Variants in UBE4B observed in about 807,000 individuals in gnomAD.
The protein encoded by UBE4B is ubiquitin conjugation factor E4 B.
In UBE4B, 27 loss-of-function variants were observed where a neutral mutation model predicts 148.1. The observed-to-expected ratio is 0.18, with a 90% CI of 0.13 to 0.25. UBE4B has a LOEUF of 0.25. Ranked by LOEUF, UBE4B falls within the 10% of genes least tolerant of loss-of-function variation. The pLI is 1.00. For synonymous variants in UBE4B, 596 were observed against 619.3 expected, an observed-to-expected ratio of 0.96 and a Z score of 0.56; for missense variants, 1,170 against 1,662.4, an observed-to-expected ratio of 0.70 and a Z score of 5.15.
intron 3 of UBE4B, among the ~76,000 whole-genome samples, chr1:10,097,052 A>AAAATAATAAT (rs554089049): frequency 6.6e-4 from 92 of 138,530 alleles, no homozygotes; most frequent in African/African-American, 2.3e-3. Flanking sequence ...AAAAAAAAAA[A>AAAATAATAAT]AATAATAATA....
At chr1:10,063,961 A>C (rs140906123) in intron 1 of UBE4B, among the ~76,000 whole-genome samples, 15 of 152,124 alleles carry the variant, frequency 9.9e-5, no homozygotes, top group African/African-American at 3.4e-4. Context: ...CCCTGCTTAA[A>C]TCCTTCAAAA....
At chr1:10,129,230 A>C in intron 11 of UBE4B, 162 bp from the exon 12 acceptor site, 1 of 508,512 alleles carries the variant, frequency 2.0e-6, no homozygotes, top group South Asian at 3.8e-5. Flanking sequence ...TTAGTTTATT[A>C]ATCAGAAAAA....
chr1:10,074,604 C>T (rs922466838), intron 2 of UBE4B, among the ~76,000 whole-genome samples: 3 of 152,130 alleles, frequency 2.0e-5, no homozygotes, highest in African/African-American at 7.2e-5. Context: ...TCTGGTCTGA[C>T]CCATCAGCCT....
Position 10,033,474 on chromosome 1 carries a change from A to T in UBE4B, c.-197A>T. The T allele has an allele frequency of 2.2e-6, 1 of 461,216 alleles. No individual in the cohort carries two copies. Among genetic ancestry groups the T allele is most frequent in the Non-Finnish European group, 3.7e-6 (1 of 271,716 alleles). 28.6% of individuals were successfully genotyped at this position (461,216 alleles called of 1,614,324 possible). A position where few individuals can be genotyped will look rare whatever the true frequency, so the allele number is the denominator to read the frequency against. ...AGCGGCTGTAGTAGTCTGTGGGGCG[A>T]CTGGAGTGACCGAAGCCAAGGCAGT... On this transcript the variant is annotated 5_prime_UTR_variant, in exon 1 of 28. Transcript: ENST00000343090.
intron 21 of UBE4B, among the ~76,000 whole-genome samples, chr1:10,155,064 G>GGAGAGA (rs112077178): frequency 9.4e-5 from 14 of 149,130 alleles, no homozygotes; most frequent in Admixed American, 2.0e-4. Flanking sequence ...TGTGGCTTCA[G>GGAGAGA]GAGAGAGAGA....
intron 2 of UBE4B, among the ~76,000 whole-genome samples, chr1:10,094,331 A>AT (rs902516151): frequency 1.1e-4 from 17 of 151,280 alleles, no homozygotes; most frequent in Non-Finnish European, 1.9e-4. Context: ...GTCCACTTGA[A>AT]TTTTTTTTTC....
rs186629095 is a variant in UBE4B at position 10,051,502 on chromosome 1, G to A, written c.24+17808G>A. On this transcript the variant is annotated intron_variant, in intron 1 of 27. Transcript: ENST00000343090. ...TACTAGTTAAGGTAGCAAATAGACC[G>A]TGGCTTATGTGAAAGGTTGGGTTGG... Among the ~76,000 whole-genome samples, 6 of 152,272 alleles carry A rather than the reference G, an allele frequency of 3.9e-5. No individual in the cohort carries two copies. The East Asian group carries it at 7.7e-4, about 20-fold the overall frequency.
chr1:10,060,446 A>G (rs1202238459), intron 1 of UBE4B, among the ~76,000 whole-genome samples: 1 of 152,118 alleles, frequency 6.6e-6, no homozygotes, highest in Non-Finnish European at 1.5e-5. Flanking sequence ...ATCTTACCGG[A>G]CCACCAGTAA....
intron 16 of UBE4B, among the ~76,000 whole-genome samples, chr1:10,135,886 T>C (rs933092747): frequency 6.6e-6 from 1 of 152,138 alleles, no homozygotes; most frequent in African/African-American, 2.4e-5. Context: ...CTATCTGAAG[T>C]GAATTCTGGT....
At chr1:10,062,123 T>G (rs750522887) in intron 1 of UBE4B, among the ~76,000 whole-genome samples, 1 of 151,994 alleles carries the variant, frequency 6.6e-6, no homozygotes, top group African/African-American at 2.4e-5. Context: ...TTGGCCAGGA[T>G]GGTCTCGATT....
chr1:10,086,860 T>G (rs373283041), intron 2 of UBE4B, among the ~76,000 whole-genome samples: 2 of 152,250 alleles, frequency 1.3e-5, no homozygotes, highest in East Asian at 3.9e-4. Flanking sequence ...CGGCTAATTT[T>G]TGTAATTTTA....
intron 17 of UBE4B, among the ~76,000 whole-genome samples, chr1:10,144,733 T>TAAAAAAAAAAAAAA: frequency 7.3e-6 from 1 of 136,058 alleles, no homozygotes; most frequent in Non-Finnish European, 1.6e-5. Flanking sequence ...GACTCTGTCT[T>TAAAAAAAAAAAAAA]AAAAAAAAAA....
intron 2 of UBE4B, among the ~76,000 whole-genome samples, chr1:10,094,799 T>C (rs1408884864): frequency 6.6e-6 from 1 of 152,058 alleles, no homozygotes; most frequent in African/African-American, 2.4e-5. Flanking sequence ...TATATCCTTT[T>C]ATTGTTTTTG....
rs975680284 is a variant in UBE4B, at chr1:10,122,129, C to T, written c.1554+53C>T. On this transcript the variant is annotated intron_variant, in intron 10 of 27. Transcript: ENST00000343090. Reference sequence around the variant, plus strand: ...AATTTTAGCCTGAGAGCCTCTATGTCGAGGCTAATTTCTGACCATTGAAAA... The same window carrying T: ...AATTTTAGCCTGAGAGCCTCTATGTTGAGGCTAATTTCTGACCATTGAAAA... 2.3e-5 allele frequency: 29 copies of T among 1,269,572 alleles called. No individual in the cohort carries two copies. In the Admixed American group the frequency reaches 4.9e-4, roughly 21 times the overall value. 78.6% of individuals were successfully genotyped at this position (1,269,572 alleles called of 1,614,324 possible).
At chr1:10,076,936 T>C (rs1570835840) in intron 2 of UBE4B, among the ~76,000 whole-genome samples, 1 of 149,980 alleles carries the variant, frequency 6.7e-6, no homozygotes, top group African/African-American at 2.5e-5. Context: ...TAGTATAGAC[T>C]GGGTTTCACC....
In UBE4B at chr1:10,106,409, C is replaced by T. The variant is rs201736832; in HGVS notation, c.1022C>T (p.Ser341Phe). 1.2e-4 allele frequency: 193 copies of T among 1,613,628 alleles called. No individual in the cohort carries two copies. Among genetic ancestry groups the T allele is most frequent in the Admixed American group, 3.2e-4 (19 of 59,958 alleles). Residue 341 changes from serine to phenylalanine, a missense_variant, in exon 7 of 28, where the codon TCC becomes TTC. Ser to Phe is a radical substitution (Grantham distance 155). Around this residue, in one of 6 missense-constraint regions of UBE4B, gnomAD observed 214 missense variants for 209.1 expected, o/e 1.02. Coordinates refer to ENST00000343090, the MANE Select transcript of UBE4B (RefSeq NM_001105562.3). This position sits in a 1 kb window ranked among gnomAD's most constrained non-coding sequence, Gnocchi z 4.2. The part of the protein sequence containing the change: ...RPYTVTHPWA[S>F]SGVSILSSSP... ...TACACTGTCACTCACCCATGGGCGT[C>T]CTCAGGCGTCTCCATTCTGTCGAGC...
intron 1 of UBE4B, among the ~76,000 whole-genome samples, chr1:10,041,276 T>C (rs1238327158): frequency 6.9e-6 from 1 of 145,092 alleles, no homozygotes; most frequent in Non-Finnish European, 1.5e-5. Context: ...GAGTTTTCTA[T>C]CGCTTTACTA....
intron 2 of UBE4B, among the ~76,000 whole-genome samples, chr1:10,077,694 C>G (rs1441213167): frequency 6.6e-6 from 1 of 152,218 alleles, no homozygotes; most frequent in African/African-American, 2.4e-5. Flanking sequence ...CTCACCACAA[C>G]CAGCTGGATT....
chr1:10,042,324 G>A (rs994168370), intron 1 of UBE4B, among the ~76,000 whole-genome samples: 2 of 152,160 alleles, frequency 1.3e-5, no homozygotes, highest in Non-Finnish European at 2.9e-5. Flanking sequence ...GTTGCTGTAT[G>A]GAGCTTCGTC....
Sources: gnomAD v4.1 joint callset for allele counts (sites outside exome capture counted in the v4.1 genomes callset) on GRCh38, gnomAD v4.1.1 for gene constraint, gnomAD v4.1.1 regional missense constraint, Gnocchi (gnomAD v3.1) non-coding constraint, MANE v1.5 for transcripts, NCBI Gene and HGNC (gene_info 2026-07-23, HGNC 2026-07-21) for gene names.